HTRA1: variants seen among roughly 807,000 people sequenced by gnomAD.
HTRA1 encodes HtrA serine peptidase 1.
Under a neutral mutation model 49.7 loss-of-function variants are expected in HTRA1, and 26 were observed. The observed-to-expected ratio is 0.52, with a 90% CI of 0.38 to 0.73. The LOEUF (loss-of-function observed/expected upper bound fraction) is 0.73, where lower values mean the gene tolerates loss of function less well. Ranked by LOEUF, HTRA1 falls within the 30% of genes least tolerant of loss-of-function variation. HTRA1 has a pLI of 0.00. For synonymous variants in HTRA1, 291 were observed against 286.9 expected, an observed-to-expected ratio of 1.01 and a Z score of -0.14; for missense variants, 561 against 667.2, an observed-to-expected ratio of 0.84 and a Z score of 1.75.
intron 1 of HTRA1, among the ~76,000 whole-genome samples, chr10:122,485,516 A>G (rs1019554618): frequency 1.3e-5 from 2 of 152,194 alleles, no homozygotes; most frequent in African/African-American, 4.8e-5. Flanking sequence ...ATCTCATTCC[A>G]GAGGCATTTG....
rs2097493530 is a variant in HTRA1, at chr10:122,487,353, G to A, written c.473-1549G>A. 6.6e-6 allele frequency among the ~76,000 whole-genome samples: 1 copy of A among 152,170 alleles called. No homozygotes were observed. Among genetic ancestry groups the A allele is most frequent in the African/African-American group, 2.4e-5 (1 of 41,434 alleles). ...GGTGGCAAGATTAGGAGCCGGAGTAGTAGGCTAAGGCTGCACTTCCAGGGA... is the reference window on the plus strand; with the variant it reads ...GGTGGCAAGATTAGGAGCCGGAGTAATAGGCTAAGGCTGCACTTCCAGGGA... On this transcript the variant is annotated intron_variant, in intron 1 of 8. Coordinates refer to ENST00000368984, the MANE Select transcript of HTRA1 (RefSeq NM_002775.5). This position sits in a 1 kb window ranked among gnomAD's most constrained non-coding sequence, Gnocchi z 4.8.
At chr10:122,500,060 GT>G (rs555731558) in intron 3 of HTRA1, among the ~76,000 whole-genome samples, 2 of 151,798 alleles carry the variant, frequency 1.3e-5, no homozygotes, top group African/African-American at 2.4e-5. Flanking sequence ...GATGTTATTG[GT>G]TTTTTTTTAT....
Position 122,510,146 on chromosome 10 carries a change from A to G in HTRA1, c.1171A>G (p.Thr391Ala), listed in dbSNP as rs187914485. ...TATTGGTATCCGAATGATGTCACTC[A>G]CGTCCAGGTGGGTAAACAGGATGCG... ...KYIGIRMMSL[T>A]SSKAKELKDR... Residue 391 changes from threonine to alanine, a missense_variant, in exon 7 of 9, where the codon ACG becomes GCG. By Grantham distance (58) the Thr-to-Ala change is moderately conservative (BLOSUM62 0). Around this residue, in one of 3 missense-constraint regions of HTRA1, gnomAD observed 179 missense variants for 173.4 expected, o/e 1.03. Coordinates refer to ENST00000368984, the MANE Select transcript of HTRA1 (RefSeq NM_002775.5). 1.2e-6 allele frequency: 2 copies of G among 1,613,762 alleles called. No individual in the cohort carries two copies. The highest frequency in any genetic ancestry group is 4.5e-5 in the East Asian group (2 of 44,874).
intron 3 of HTRA1, among the ~76,000 whole-genome samples, chr10:122,498,275 A>G (rs2097499568): frequency 6.6e-6 from 1 of 151,018 alleles, no homozygotes; most frequent in Admixed American, 6.6e-5. Flanking sequence ...TGTCCATTCT[A>G]CCTTCTCTAC....
intron 1 of HTRA1, among the ~76,000 whole-genome samples, chr10:122,475,484 G>A (rs1490031127): frequency 1.3e-5 from 2 of 152,244 alleles, no homozygotes; most frequent in Non-Finnish European, 2.9e-5. Flanking sequence ...AAAAGACAGA[G>A]CGTGGTCATT....
At chr10:122,508,441 T>C (rs1239375255) in intron 5 of HTRA1, among the ~76,000 whole-genome samples, 5 of 152,276 alleles carry the variant, frequency 3.3e-5, no homozygotes, top group Admixed American at 1.3e-4. Context: ...AGTGCCGACC[T>C]GGAGTATGTG....
intron 1 of HTRA1, among the ~76,000 whole-genome samples, chr10:122,474,312 G>A (rs1477598277): frequency 3.3e-5 from 5 of 152,146 alleles, no homozygotes; most frequent in African/African-American, 4.8e-5. Flanking sequence ...TCTTATTTGA[G>A]CCAAAGCTTC....
intron 1 of HTRA1, among the ~76,000 whole-genome samples, chr10:122,479,907 T>C (rs982972600): frequency 6.6e-6 from 1 of 152,046 alleles, no homozygotes; most frequent in African/African-American, 2.4e-5. Flanking sequence ...AGAGTGGGAT[T>C]CTTGGAAGCT....
At chr10:122,473,665 C>T (rs79043147) in intron 1 of HTRA1, among the ~76,000 whole-genome samples, 5,952 of 152,210 alleles carry the variant, frequency 0.039, 165 homozygotes, top group Non-Finnish European at 0.063. Flanking sequence ...CAATCATGCA[C>T]GTATCACTAC....
Position 122,488,864 on chromosome 10 carries a change from A to G in HTRA1, c.473-38A>G, listed in dbSNP as rs115959727. The G allele has an allele frequency of 2.0e-3, 3,046 of 1,499,076 alleles. 51 individuals are homozygous for G. The African/African-American group carries it at 0.036, about 18-fold the overall frequency. The allele number at this position is 1,499,076 out of a possible 1,614,324, so 92.9% of individuals were successfully genotyped here. A position where few individuals can be genotyped will look rare whatever the true frequency, so the allele number is the denominator to read the frequency against. On this transcript the variant is annotated intron_variant, in intron 1 of 8. Transcript: ENST00000368984. ...GTCTTTCTCTAGGTGGCCACAGCAG[A>G]GTGTCATTAAGTATCTATTCTTTGC...
chr10:122,472,740 T>C (rs1342846710), intron 1 of HTRA1, among the ~76,000 whole-genome samples: 1 of 152,166 alleles, frequency 6.6e-6, no homozygotes, highest in African/African-American at 2.4e-5. Context: ...TTTGGTTAAC[T>C]GTTCCCCTGT....
chr10:122,480,368 G>C lies in HTRA1; in HGVS notation c.473-8534G>C, dbSNP rs575207141. 1.1e-3 allele frequency among the ~76,000 whole-genome samples: 169 copies of C among 152,330 alleles called. 1 individual carries two copies. The highest frequency in any genetic ancestry group is 3.8e-3 in the African/African-American group (159 of 41,590). ...GCGAGGGCAGGAAGCTCTGCAGGGA[G>C]AAGGGACAAGGGACAGAGCCAAGAA... On this transcript the variant is annotated intron_variant, in intron 1 of 8. Coordinates refer to ENST00000368984, the MANE Select transcript of HTRA1 (RefSeq NM_002775.5).
At chr10:122,508,524 A>T in intron 5 of HTRA1, 132 bp from the exon 6 acceptor site, 1 of 760,068 alleles carries the variant, frequency 1.3e-6, no homozygotes, top group Non-Finnish European at 2.4e-6. Context: ...TGCCACGGGG[A>T]TCCCCTCCTT....
intron 5 of HTRA1, among the ~76,000 whole-genome samples, chr10:122,508,009 C>T (rs1408271541): frequency 1.3e-5 from 2 of 152,144 alleles, no homozygotes; most frequent in African/African-American, 4.8e-5. Flanking sequence ...TAGAGGGCAG[C>T]TCTGGGGCCA....
intron 8 of HTRA1, 146 bp from the exon 9 acceptor site, chr10:122,514,045 T>C (rs1005575621): frequency 1.1e-5 from 9 of 825,016 alleles, no homozygotes; most frequent in Non-Finnish European, 1.7e-5. Context: ...GACCCACTGA[T>C]GGTTTGAATT....
intron 7 of HTRA1, among the ~76,000 whole-genome samples, chr10:122,511,181 A>G (rs1454089385): frequency 6.6e-6 from 1 of 152,184 alleles, no homozygotes; most frequent in Non-Finnish European, 1.5e-5. Context: ...GTCACCAGCC[A>G]CAGTGATGCC....
chr10:122,468,106 G>T (rs888186907), intron 1 of HTRA1, among the ~76,000 whole-genome samples: 2 of 152,198 alleles, frequency 1.3e-5, no homozygotes, highest in Non-Finnish European at 2.9e-5. Context: ...CAGGTATGGG[G>T]ACTCAGAGGT....
intron 3 of HTRA1, among the ~76,000 whole-genome samples, chr10:122,492,165 G>T (rs186834592): frequency 4.5e-4 from 69 of 152,122 alleles, no homozygotes; most frequent in African/African-American, 1.6e-3. Context: ...CTGTGGCCCA[G>T]CCTCCTGCAA....
intron 3 of HTRA1, among the ~76,000 whole-genome samples, chr10:122,495,604 G>A (rs1277714177): frequency 1.3e-5 from 2 of 152,154 alleles, no homozygotes; most frequent in South Asian, 4.1e-4. Flanking sequence ...CCGGATTCAA[G>A]AACTTAGTTG....
Sources: gnomAD v4.1 joint callset for allele counts (sites outside exome capture counted in the v4.1 genomes callset) on GRCh38, gnomAD v4.1.1 for gene constraint, gnomAD v4.1.1 regional missense constraint, Gnocchi (gnomAD v3.1) non-coding constraint, MANE v1.5 for transcripts, NCBI Gene and HGNC (gene_info 2026-07-23, HGNC 2026-07-21) for gene names.